Variants in FOXN1 observed in about 807,000 individuals in gnomAD.
FOXN1 encodes the protein forkhead box N1.
FOXN1 carries 15 observed loss-of-function variants against 49.0 expected under a neutral mutation model. The ratio of observed to expected loss-of-function variants is 0.31; its 90% CI spans 0.20 to 0.47. The LOEUF is 0.47. Among genes scored for constraint, FOXN1 ranks in the 20% least tolerant of loss-of-function variants. The pLI is 1.00. For synonymous variants in FOXN1, 356 were observed against 369.0 expected, an observed-to-expected ratio of 0.96 and a Z score of 0.40; for missense variants, 800 against 842.8, an observed-to-expected ratio of 0.95 and a Z score of 0.63.
intron 4 of FOXN1, 21 bp downstream of exon 4, chr17:28,527,382 C>T (rs1444638604): frequency 2.2e-6 from 3 of 1,370,810 alleles, no homozygotes; most frequent in South Asian, 1.2e-5. Context: ...GGCAAGTGGG[C>T]CTGCTTCCCC....
chr17:28,528,593 C>T (rs921532520), intron 4 of FOXN1, among the ~76,000 whole-genome samples: 1 of 152,114 alleles, frequency 6.6e-6, no homozygotes, highest in Non-Finnish European at 1.5e-5. Flanking sequence ...TCCGTGGCAC[C>T]GCAGCCACTC....
chr17:28,523,626 G>C lies in FOXN1; in HGVS notation c.-14-330G>C, dbSNP rs377560840. On this transcript the variant is annotated intron_variant, in intron 1 of 8. Coordinates refer to ENST00000579795, the MANE Select transcript of FOXN1 (RefSeq NM_001369369.1). ...AGCCAGAGGCAGAGCCCAGCTGGGA[G>C]CCGGGGTTTCACTGGTCAGTCGGTC... Among the ~76,000 whole-genome samples the C allele has an allele frequency of 1.5e-4, 23 of 152,318 alleles. No homozygotes were observed. In the East Asian group the frequency reaches 2.3e-3, roughly 15 times the overall value.
intron 2 of FOXN1, 96 bp downstream of exon 2, chr17:28,524,188 C>CTG: frequency 3.0e-6 from 4 of 1,314,794 alleles, no homozygotes; most frequent in Non-Finnish European, 4.2e-6. Context: ...AGGGACCTCC[C>CTG]AGGGCCTGTC....
intron 5 of FOXN1, 123 bp from the exon 6 acceptor site, chr17:28,530,626 C>T: frequency 1.4e-6 from 1 of 717,850 alleles, no homozygotes; most frequent in Non-Finnish European, 2.6e-6. Flanking sequence ...TCAATGGACA[C>T]CTTCTCATTC....
In FOXN1 at chr17:28,530,851, C is replaced by T; in HGVS notation, c.927+6C>T. On this transcript the variant is annotated splice_donor_region_variant and intron_variant, in intron 6 of 8. Transcript: ENST00000579795. ...AGCACTTTCCTTACTTCAAGGTGAG[C>T]CCAAGATTCCTCCCCATCCCATCAC... 1 of 1,507,498 alleles carries T rather than the reference C, an allele frequency of 6.6e-7. No homozygotes were observed. The highest frequency in any genetic ancestry group is 9.2e-7 in the Non-Finnish European group (1 of 1,082,500). 93.4% of individuals were successfully genotyped at this position (1,507,498 alleles called of 1,614,324 possible).
rs747815915 is a variant in FOXN1 at position 28,524,558 on chromosome 17, C to T, written c.179C>T (p.Thr60Ile). The T allele has an allele frequency of 2.5e-6, 4 of 1,613,584 alleles. No homozygotes were observed. Among genetic ancestry groups the T allele is most frequent in the Non-Finnish European group, 3.4e-6 (4 of 1,180,012 alleles). ...GTGTCCGACGGCCCTCCAGAGAGGA[C>T]ACCCTCACTGCCCCCACACAGCCCC... ...SFVSDGPPER[T>I]PSLPPHSPRI... is the part of the protein sequence containing the mutation. The change falls in exon 3 of 9, where the codon ACA becomes ATA. Residue 60 changes from threonine (T) to isoleucine (I), a missense_variant. By Grantham distance (89) the Thr-to-Ile change is moderately conservative. Around this residue, in one of 3 missense-constraint regions of FOXN1, gnomAD observed 383 missense variants for 357.9 expected, o/e 1.07. Transcript: ENST00000579795.
chr17:28,513,299 C>T (rs1033284100), intron 1 of FOXN1, among the ~76,000 whole-genome samples: 4 of 152,116 alleles, frequency 2.6e-5, no homozygotes, highest in Admixed American at 6.5e-5. Flanking sequence ...CCAGAATAAA[C>T]ATTCACGGGT....
At position 28,524,916 on chromosome 17, in the gene FOXN1, C is replaced by G. The variant is rs753881115; in HGVS notation, c.537C>G (p.Ala179=). 5.0e-6 allele frequency: 8 copies of G among 1,612,960 alleles called. No homozygotes were observed. Among genetic ancestry groups the G allele is most frequent in the Non-Finnish European group, 6.8e-6 (8 of 1,180,036 alleles). The change falls in exon 3 of 9, where the codon GCC becomes GCG. Residue 179 remains alanine (A), a synonymous_variant. Coordinates refer to ENST00000579795, the MANE Select transcript of FOXN1 (RefSeq NM_001369369.1). ...EAFLPGFSAE[A]WCNGLPYPSQ... ...TCCTGCCTGGCTTCTCAGCAGAGGC[C>G]TGGTGTAACGGGCTCCCCTACCCCA...
intron 5 of FOXN1, among the ~76,000 whole-genome samples, chr17:28,529,931 A>T (rs980759714): frequency 2.0e-5 from 3 of 151,832 alleles, no homozygotes; most frequent in African/African-American, 7.3e-5. Flanking sequence ...AGCAGAAATG[A>T]GTTCAAGACC....
intron 1 of FOXN1, among the ~76,000 whole-genome samples, chr17:28,510,550 G>A (rs545538513): frequency 7.4e-6 from 1 of 135,666 alleles, no homozygotes; most frequent in East Asian, 2.3e-4. Context: ...ATGTACATGA[G>A]GAAGGACACA....
chr17:28,511,936 T>C (rs2069404959), intron 1 of FOXN1, among the ~76,000 whole-genome samples: 1 of 152,114 alleles, frequency 6.6e-6, no homozygotes, highest in Non-Finnish European at 1.5e-5. Flanking sequence ...TGCCAATCAC[T>C]GCCACAGCCC....
At position 28,524,682 on chromosome 17, in the gene FOXN1, C is replaced by T. The variant is rs2069723733; in HGVS notation, c.303C>T (p.Gly101=). The change falls in exon 3 of 9, where the codon GGC becomes GGT. Residue 101 remains glycine (G), a synonymous_variant. Transcript: ENST00000579795. ...TCTCACCCTCAGACAAGTATCCTGG[C>T]TTTGGCTTTGAGGAGGCCGCAGCAA... ...FRLSPSDKYP[G]FGFEEAAASS... 6.2e-7 allele frequency: 1 copy of T among 1,613,268 alleles called. No homozygotes were observed. Among genetic ancestry groups the T allele is most frequent in the Non-Finnish European group, 8.5e-7 (1 of 1,179,780 alleles).
Position 28,527,321 on chromosome 17 carries a change from T to G in FOXN1, c.659T>G (p.Leu220Trp). Reference sequence around the variant, plus strand: ...GGGATGTTCTGCTACCAGCCTCCCTTGCAGCATATGTACTGCTCCTCCCAG... The same window carrying G: ...GGGATGTTCTGCTACCAGCCTCCCTGGCAGCATATGTACTGCTCCTCCCAG... ...GAGMFCYQPP[L>W]QHMYCSSQPP... The change falls in exon 4 of 9, where the codon TTG becomes TGG. Residue 220 changes from leucine (L) to tryptophan (W), a missense_variant. This residue lies in a region of FOXN1 where 383 missense variants were observed against 357.9 expected (regional missense o/e 1.07). Transcript: ENST00000579795. The G allele has an allele frequency of 6.2e-7, 1 of 1,613,846 alleles. No homozygotes were observed. Among genetic ancestry groups the G allele is most frequent in the Non-Finnish European group, 8.5e-7 (1 of 1,179,796 alleles).
chr17:28,516,771 A>G (rs1264546851), intron 1 of FOXN1, among the ~76,000 whole-genome samples: 8 of 110,380 alleles, frequency 7.2e-5, no homozygotes, highest in Non-Finnish European at 9.8e-5. Flanking sequence ...CCTCCACAGG[A>G]TCCATACCTC....
chr17:28,514,152 C>T (rs570943908), intron 1 of FOXN1, among the ~76,000 whole-genome samples: 1 of 152,140 alleles, frequency 6.6e-6, no homozygotes, highest in Non-Finnish European at 1.5e-5. Context: ...GCTCTGGGAC[C>T]AGCCTGCTTC....
intron 1 of FOXN1, among the ~76,000 whole-genome samples, chr17:28,512,815 G>A (rs543256816): frequency 3.5e-4 from 53 of 152,120 alleles, no homozygotes; most frequent in Non-Finnish European, 7.5e-4. Flanking sequence ...GGTGGAGGAG[G>A]CAGACCATGA....
Position 28,524,088 on chromosome 17 carries a change from A to G in FOXN1, c.119A>G (p.Gln40Arg), listed in dbSNP as rs754179388. 1.9e-6 allele frequency: 3 copies of G among 1,599,386 alleles called. No homozygotes were observed. Among genetic ancestry groups the G allele is most frequent in the Non-Finnish European group, 2.6e-6 (3 of 1,174,242 alleles). ...APGLPGSPAP[Q>R]SKHAGFSCSS... is the part of the protein sequence containing the mutation. The stretch of plus-strand genomic sequence containing the variant: ...GGCCTCCCAGGCTCCCCTGCCCCAC[A>G]GAGTGTAAGTACCCGGCATCTGGGC... The change falls in exon 2 of 9, where the codon CAG (glutamine) becomes CGG (arginine). Residue 40 changes from glutamine to arginine, a missense_variant. Transcript: ENST00000579795.
chr17:28,511,406 C>T (rs536081318), intron 1 of FOXN1, among the ~76,000 whole-genome samples: 2 of 152,320 alleles, frequency 1.3e-5, no homozygotes, highest in African/African-American at 4.8e-5. Flanking sequence ...TTTGCCCCCA[C>T]TCAGGTGGAC....
At chr17:28,527,460 G>A (rs1023261921) in intron 4 of FOXN1, 99 bp downstream of exon 4, 14 of 755,466 alleles carry the variant, frequency 1.9e-5, no homozygotes, top group Non-Finnish European at 3.3e-5. Context: ...GTGTTCACCA[G>A]GATAGGCAGA....
Sources: allele counts gnomAD v4.1 joint callset (sites outside exome capture counted in the v4.1 genomes callset), GRCh38; gene constraint gnomAD v4.1.1; regional missense constraint gnomAD v4.1.1; transcripts MANE v1.5; gene names NCBI Gene and HGNC (gene_info 2026-07-23, HGNC 2026-07-21).